The following ZFR2 variants were observed in gnomAD, a reference collection of about 807,000 sequenced individuals.
The protein encoded by ZFR2 is zinc finger RNA-binding protein 2.
In ZFR2, 104 loss-of-function variants were observed where a neutral mutation model predicts 105.7. That is an observed-to-expected ratio of 0.98 (90% CI 0.84 to 1.16). The LOEUF (loss-of-function observed/expected upper bound fraction) is 1.16. Ranked by LOEUF, ZFR2 falls within the 50% of genes most tolerant of loss-of-function variation. The pLI, the probability that ZFR2 is intolerant of heterozygous loss-of-function variation, is 0.00. For missense variants in ZFR2, 1,425 were observed against 1,355.5 expected (o/e 1.05, Z -0.80); for synonymous variants, 634 against 597.7 (o/e 1.06, Z -0.89).
chr19:3,821,630 C>G (rs993552161), intron 9 of ZFR2, among the ~76,000 whole-genome samples, 151 bp from the exon 10 acceptor site: 3 of 38,536 alleles, frequency 7.8e-5, no homozygotes, highest in Non-Finnish European at 1.5e-4. Flanking sequence ...TTTTTTTTTT[C>G]GAGACAGAGT....
In ZFR2 at chr19:3,831,444, G is replaced by GGGC. The variant is rs745997069; in HGVS notation, c.708_710dup (p.Pro237dup). 25 of 1,550,332 alleles carry GGGC rather than the reference G, an allele frequency of 1.6e-5. No individual in the cohort carries two copies. The highest frequency in any genetic ancestry group is 3.6e-4 in the Middle Eastern group (2 of 5,506). On this transcript the variant is annotated inframe_insertion, in exon 5 of 19. Transcript: ENST00000262961. The stretch of plus-strand genomic sequence containing the variant: ...GGCTGCTTCCTGAGCCTGCAGGCGC[G>GGGC]GGCGGCGGGGGCAGCTGCTGCGGGG...
chr19:3,867,382 G>A lies in ZFR2; in HGVS notation c.53+1583C>T, dbSNP rs976750211. 3.3e-5 allele frequency among the ~76,000 whole-genome samples: 5 copies of A among 152,044 alleles called. No individual in the cohort carries two copies. In the East Asian group the frequency reaches 5.8e-4, roughly 18 times the overall value. On this transcript the variant is annotated intron_variant, in intron 1 of 18. Transcript: ENST00000262961. ...ACTCCAGTCTTGGGGGCAGATGGAC[G>A]GGCTGAAGATAGCAGAGATGCTCCG...
At chr19:3,868,825 G>C (rs2038465288) in intron 1 of ZFR2, 140 bp downstream of exon 1, 2 of 701,884 alleles carry the variant, frequency 2.8e-6, no homozygotes, top group African/African-American at 3.7e-5. Context: ...CGGCGCCGCG[G>C]CTTCCCTCAG....
In ZFR2 at chr19:3,854,369, G is replaced by C. The variant is rs904156321; in HGVS notation, c.53+14596C>G. On this transcript the variant is annotated intron_variant, in intron 1 of 18. Coordinates refer to ENST00000262961, the MANE Select transcript of ZFR2 (RefSeq NM_015174.2). ...GATCGCACCACTGCACTCCAGGCTGGGTGACAGAGCGAGACTGTCTAAAAA... is the reference window on the plus strand; with the variant it reads ...GATCGCACCACTGCACTCCAGGCTGCGTGACAGAGCGAGACTGTCTAAAAA... 2.7e-5 allele frequency among the ~76,000 whole-genome samples: 4 copies of C among 150,066 alleles called. No individual in the cohort carries two copies. The Admixed American group carries it at 2.7e-4, about 10-fold the overall frequency.
intron 13 of ZFR2, among the ~76,000 whole-genome samples, chr19:3,814,462 G>C (rs1423699236): frequency 1.3e-5 from 2 of 152,146 alleles, no homozygotes; most frequent in Admixed American, 6.5e-5. Flanking sequence ...CCTCCATGAG[G>C]CCTGTGCTCA....
At chr19:3,824,873 G>A (rs948823812) in intron 7 of ZFR2, among the ~76,000 whole-genome samples, 1 of 152,178 alleles carries the variant, frequency 6.6e-6, no homozygotes, top group Non-Finnish European at 1.5e-5. Flanking sequence ...GGAGGCAGAG[G>A]TTGCAGTGAG....
chr19:3,856,872 AG>A (rs1213508763), intron 1 of ZFR2: 1 of 151,950 alleles, frequency 6.6e-6, no homozygotes, highest in African/African-American at 2.4e-5. Flanking sequence ...CTGGGAATAT[AG>A]GCACCTGCCA....
chr19:3,810,835 C>T lies in ZFR2; in HGVS notation c.2348G>A (p.Ser783Asn). The T allele has an allele frequency of 6.5e-7, 1 of 1,550,268 alleles. No homozygotes were observed. ...RHARWFQARA[S>N]GLQPCVIVIR... Reference sequence around the variant, plus strand: ...GACGATCACGCATGGCTGCAGGCCGCTGGCTCGAGCCTTCGGGGGAGAAGC... The same window carrying T: ...GACGATCACGCATGGCTGCAGGCCGTTGGCTCGAGCCTTCGGGGGAGAAGC... Residue 783 changes from serine (S) to asparagine (N), a missense_variant, in exon 16 of 19, where the codon AGC becomes AAC. Ser to Asn is a conservative substitution (Grantham distance 46). Coordinates refer to ENST00000262961, the MANE Select transcript of ZFR2 (RefSeq NM_015174.2).
intron 1 of ZFR2, among the ~76,000 whole-genome samples, chr19:3,840,277 G>A (rs947542912): frequency 1.3e-5 from 2 of 151,312 alleles, no homozygotes; most frequent in Non-Finnish European, 2.9e-5. Flanking sequence ...TTGCTCTGTC[G>A]CCCAGGCTGG....
intron 5 of ZFR2, 103 bp from the exon 6 acceptor site, chr19:3,827,756 C>T (rs888578760): frequency 3.0e-6 from 4 of 1,318,200 alleles, no homozygotes; most frequent in Non-Finnish European, 4.2e-6. Flanking sequence ...TCGGTGGTAA[C>T]AGAGGCCCGC....
chr19:3,806,156 C>T, intron 18 of ZFR2, 31 bp from the exon 19 acceptor site: 1 of 1,401,790 alleles, frequency 7.1e-7, no homozygotes, highest in South Asian at 1.6e-5. Context: ...GTCAGGACCC[C>T]CGCCCGCTCT....
intron 1 of ZFR2, among the ~76,000 whole-genome samples, chr19:3,860,290 C>T (rs769932408): frequency 1.1e-4 from 17 of 151,520 alleles, no homozygotes; most frequent in Admixed American, 3.3e-4. Context: ...CCTCCTGCCT[C>T]GGCCTCCCAA....
chr19:3,816,634 C>T (rs374549830), intron 13 of ZFR2, 40 bp downstream of exon 13: 59 of 1,571,436 alleles, frequency 3.8e-5, no homozygotes, highest in Non-Finnish European at 4.9e-5. Context: ...GGCTGGCAGC[C>T]AGACGCCAGA....
Position 3,813,039 on chromosome 19 carries a change from C to T in ZFR2, c.2242+781G>A, listed in dbSNP as rs2145136194. 6.6e-6 allele frequency among the ~76,000 whole-genome samples: 1 copy of T among 152,254 alleles called. No individual in the cohort carries two copies. The highest frequency in any genetic ancestry group is 1.9e-4 in the East Asian group (1 of 5,180). The stretch of plus-strand genomic sequence containing the variant: ...AAGTTGCAGTGAGCTGAGATTGCGC[C>T]ATTGCACTCCAGCCTGGGCAACAGA... On this transcript the variant is annotated intron_variant, in intron 14 of 18. Coordinates refer to ENST00000262961, the MANE Select transcript of ZFR2 (RefSeq NM_015174.2). The surrounding 1 kb of genome is among the most constrained non-coding windows in gnomAD (Gnocchi z 4.4).
intron 1 of ZFR2, among the ~76,000 whole-genome samples, chr19:3,850,923 A>G (rs1044774391): frequency 2.0e-5 from 3 of 147,144 alleles, no homozygotes; most frequent in Non-Finnish European, 4.5e-5. Context: ...AAAAAAAAAA[A>G]GAGACACCAG....
rs112393740 is a variant in ZFR2 at position 3,833,372 on chromosome 19, G to T, written c.379+292C>A. On this transcript the variant is annotated intron_variant, in intron 3 of 18. Coordinates refer to ENST00000262961, the MANE Select transcript of ZFR2 (RefSeq NM_015174.2). ...CGGGCGGATCACGAGGTCAGGAGAT[G>T]GAGACCATCCTGGCTAATACTGTGA... Among the ~76,000 whole-genome samples, 618 of 151,966 alleles carry T rather than the reference G, an allele frequency of 4.1e-3. 7 individuals carry two copies. Among genetic ancestry groups the T allele is most frequent in the East Asian group, 0.026 (132 of 5,146 alleles).
intron 5 of ZFR2, among the ~76,000 whole-genome samples, chr19:3,829,023 G>A (rs1335958874): frequency 4.7e-5 from 7 of 150,182 alleles, no homozygotes; most frequent in South Asian, 2.1e-4. Flanking sequence ...GTGCAGTGGC[G>A]CGATCTCAGC....
Position 3,824,088 on chromosome 19 carries a change from G to A in ZFR2, c.1214-685C>T, listed in dbSNP as rs368517415. Among the ~76,000 whole-genome samples the A allele has an allele frequency of 9.9e-5, 15 of 152,232 alleles. 1 individual carries two copies. The highest frequency in any genetic ancestry group is 3.9e-4 in the East Asian group (2 of 5,172). On this transcript the variant is annotated intron_variant, in intron 7 of 18. Coordinates refer to ENST00000262961, the MANE Select transcript of ZFR2 (RefSeq NM_015174.2). ...GAGTTGGGAGGATCGCTTAAGCCTA[G>A]GAGTTTCCGACCAGCCCCAGCAACA...
At chr19:3,846,739 C>T (rs2038188152) in intron 1 of ZFR2, among the ~76,000 whole-genome samples, 1 of 152,166 alleles carries the variant, frequency 6.6e-6, no homozygotes, top group South Asian at 2.1e-4. Flanking sequence ...AATTCATTCA[C>T]CTGTTTTCCT....
Sources: allele counts gnomAD v4.1 joint callset (sites outside exome capture counted in the v4.1 genomes callset), GRCh38; gene constraint gnomAD v4.1.1; non-coding constraint Gnocchi (gnomAD v3.1); transcripts MANE v1.5; gene names NCBI Gene and HGNC (gene_info 2026-07-23, HGNC 2026-07-21).